The following ALDH18A1 variants were observed in gnomAD, a reference collection of about 807,000 sequenced individuals.
ALDH18A1 encodes delta-1-pyrroline-5-carboxylate synthase.
In ALDH18A1, 44 loss-of-function variants were observed where a neutral mutation model predicts 88.8. The observed-to-expected ratio is 0.50, with a 90% CI of 0.39 to 0.64. The LOEUF is 0.64. ALDH18A1 is among the 30% of genes least tolerant of loss of function. The pLI, the probability that ALDH18A1 is intolerant of heterozygous loss-of-function variation, is 0.00. For missense variants in ALDH18A1, 782 were observed against 1,009.5 expected (o/e 0.77, Z 3.05); for synonymous variants, 331 against 372.1 (o/e 0.89, Z 1.27).
Position 95,621,129 on chromosome 10 carries a change from G to T in ALDH18A1, c.1369C>A (p.Arg457Ser). Reference sequence around the variant, plus strand: ...TCCAAGTTTTTGGCGATTCGGGTGCGGCGCAAAACACGTCCCACGCTGTCC... The same window carrying T: ...TCCAAGTTTTTGGCGATTCGGGTGCTGCGCAAAACACGTCCCACGCTGTCC... ...SQDSVGRVLR[R>S]TRIAKNLELE... The change falls in exon 12 of 18, where the codon CGC (arginine) becomes AGC (serine). Residue 457 changes from arginine to serine, a missense_variant. Arg to Ser is a moderately radical substitution (Grantham distance 110, BLOSUM62 -1). Transcript: ENST00000371224. 1 of 1,613,968 alleles carries T rather than the reference G, an allele frequency of 6.2e-7. No homozygotes were observed. Among genetic ancestry groups the T allele is most frequent in the Non-Finnish European group, 8.5e-7 (1 of 1,180,012 alleles).
At position 95,610,283 on chromosome 10, in the gene ALDH18A1, G is replaced by A. The variant is rs757102092; in HGVS notation, c.2120C>T (p.Ala707Val). The A allele has an allele frequency of 6.2e-6, 10 of 1,613,832 alleles. No homozygotes were observed. The highest frequency in any genetic ancestry group is 5.3e-5 in the African/African-American group (4 of 74,928). The change falls in exon 17 of 18, where the codon GCG (alanine) becomes GTG (valine). Residue 707 changes from alanine to valine, a missense_variant. Transcript: ENST00000371224. ...GTCTACGTGCTGCAGGAAGAACTCC[G>A]CTGTGTTTTCTGCAGGGTGAAGAAG... ...DVIVTEDENT[A>V]EFFLQHVDSA...
At chr10:95,650,305 GA>G (rs1283561111) in intron 2 of ALDH18A1, among the ~76,000 whole-genome samples, 2 of 152,172 alleles carry the variant, frequency 1.3e-5, no homozygotes, top group Non-Finnish European at 2.9e-5. Context: ...ATGAGACTGG[GA>G]GAAAACATTT....
At position 95,606,258 on chromosome 10, in the gene ALDH18A1, T is replaced by A; in HGVS notation, c.*504A>T. 1.0e-6 allele frequency: 1 copy of A among 998,192 alleles called. No homozygotes were observed. The highest frequency in any genetic ancestry group is 1.2e-6 in the Non-Finnish European group (1 of 836,982). The allele number at this position is 998,192 out of a possible 1,614,324, so 61.8% of individuals were successfully genotyped here. A position where few individuals can be genotyped will look rare whatever the true frequency, so the allele number is the denominator to read the frequency against. On this transcript the variant is annotated 3_prime_UTR_variant, in exon 18 of 18. Coordinates refer to ENST00000371224, the MANE Select transcript of ALDH18A1 (RefSeq NM_002860.4). The stretch of plus-strand genomic sequence containing the variant: ...GGTCAATCTTCCCAGTGGAAATGAT[T>A]CCATCGATTTTTGTGACTTTCTGAT...
chr10:95,619,973 A>G (rs1470918122), intron 12 of ALDH18A1, among the ~76,000 whole-genome samples: 1 of 152,252 alleles, frequency 6.6e-6, no homozygotes, highest in Non-Finnish European at 1.5e-5. Context: ...CTGCATGGCA[A>G]AAGAAACTAC....
intron 9 of ALDH18A1, among the ~76,000 whole-genome samples, 153 bp downstream of exon 9, chr10:95,627,289 T>C (rs1035923571): frequency 6.6e-6 from 1 of 152,156 alleles, no homozygotes; most frequent in Non-Finnish European, 1.5e-5. Flanking sequence ...TAGATAGAAT[T>C]TCACAAAAGC....
chr10:95,651,304 G>A (rs1051423449), intron 2 of ALDH18A1, among the ~76,000 whole-genome samples: 1 of 152,128 alleles, frequency 6.6e-6, no homozygotes, highest in Non-Finnish European at 1.5e-5. Context: ...AAATAAAAAA[G>A]AGTGACCACA....
In ALDH18A1 at chr10:95,653,275, T is replaced by C; in HGVS notation, c.88+15A>G. On this transcript the variant is annotated intron_variant, in intron 2 of 17. Transcript: ENST00000371224. ...CAAACGTCCCACATACTCATAAGTT[T>C]TCTATGGTACATACGAGATCTGAAG... 1 of 1,599,524 alleles carries C rather than the reference T, an allele frequency of 6.3e-7. No homozygotes were observed. The highest frequency in any genetic ancestry group is 8.6e-7 in the Non-Finnish European group (1 of 1,167,998).
At chr10:95,636,602 T>C (rs996799961) in intron 5 of ALDH18A1, among the ~76,000 whole-genome samples, 1 of 152,220 alleles carries the variant, frequency 6.6e-6, no homozygotes, top group Admixed American at 6.5e-5. Flanking sequence ...TCAATAAATA[T>C]TTGCTGAATG....
Position 95,613,767 on chromosome 10 carries a change from A to T in ALDH18A1, c.1898T>A (p.Ile633Asn), listed in dbSNP as rs773391016. Reference protein sequence around the residue: ...DLLRTPLFDQIIDMLRVEQVK... With the variant: ...DLLRTPLFDQNIDMLRVEQVK... ...CTGTTCCACTCTCAGCATATCAATG[A>T]TCTGGTCAAATAATGGTGTCCTGAG... The change falls in exon 15 of 18, where the codon ATC becomes AAC. Residue 633 changes from isoleucine to asparagine, a missense_variant. Physicochemically the swap from Ile to Asn is moderately radical, Grantham distance 149. Coordinates refer to ENST00000371224, the MANE Select transcript of ALDH18A1 (RefSeq NM_002860.4). 4 of 1,614,180 alleles carry T rather than the reference A, an allele frequency of 2.5e-6. No homozygotes were observed. In the South Asian group the frequency reaches 4.4e-5, roughly 18 times the overall value.
intron 12 of ALDH18A1, among the ~76,000 whole-genome samples, chr10:95,618,650 T>C (rs1039377254): frequency 5.9e-5 from 9 of 152,150 alleles, no homozygotes; most frequent in Non-Finnish European, 1.3e-4. Context: ...CTACTGAAAG[T>C]TCTTTTTCCT....
At chr10:95,622,769 C>T (rs1475966112) in intron 11 of ALDH18A1, among the ~76,000 whole-genome samples, 1 of 151,708 alleles carries the variant, frequency 6.6e-6, no homozygotes, top group Non-Finnish European at 1.5e-5. Context: ...CATCTCCTGA[C>T]CTTGTGATCT....
chr10:95,606,532 C>A lies in ALDH18A1; in HGVS notation c.*230G>T, dbSNP rs2097822980. On this transcript the variant is annotated 3_prime_UTR_variant, in exon 18 of 18. Transcript: ENST00000371224. ...AAGATAATTGGACTTGGCAAAGTCC[C>A]TATCGGTAGCAACTATTTTCTTACT... The A allele has an allele frequency of 7.2e-7, 1 of 1,394,508 alleles. No individual in the cohort carries two copies. The allele number at this position is 1,394,508 out of a possible 1,614,324, so 86.4% of individuals were successfully genotyped here.
chr10:95,643,264 T>C, intron 2 of ALDH18A1, 58 bp from the exon 3 acceptor site: 2 of 1,545,620 alleles, frequency 1.3e-6, no homozygotes, highest in South Asian at 2.3e-5. Context: ...AGTTTTTCAA[T>C]AAAAATATAC....
chr10:95,626,910 C>G, intron 9 of ALDH18A1, 134 bp from the exon 10 acceptor site: 1 of 874,996 alleles, frequency 1.1e-6, no homozygotes, highest in Non-Finnish European at 1.9e-6. Flanking sequence ...TCTTGGTATG[C>G]TTGTTTCACA....
At chr10:95,653,169 CA>C in intron 2 of ALDH18A1, 120 bp downstream of exon 2, 1 of 978,988 alleles carries the variant, frequency 1.0e-6, no homozygotes. Context: ...GCCTGTGTGA[CA>C]AAATGAGACC....
chr10:95,633,918 G>C (rs1214180132), intron 5 of ALDH18A1, among the ~76,000 whole-genome samples: 1 of 145,944 alleles, frequency 6.9e-6, no homozygotes, highest in African/African-American at 2.6e-5. Flanking sequence ...CTGGGTTCAA[G>C]CAGTTCTCAT....
intron 13 of ALDH18A1, among the ~76,000 whole-genome samples, chr10:95,615,660 G>A (rs1334274612): frequency 6.6e-6 from 1 of 152,112 alleles, no homozygotes. Flanking sequence ...CCACTATGTG[G>A]GCATAAGAAA....
Position 95,637,275 on chromosome 10 carries a change from A to C in ALDH18A1, c.453+12T>G, listed in dbSNP as rs2097882552. On this transcript the variant is annotated intron_variant, in intron 4 of 17. Coordinates refer to ENST00000371224, the MANE Select transcript of ALDH18A1 (RefSeq NM_002860.4). ...GAAGATCCATTTCAATGTGTGGGGAAGCAGCACTCACCATTTCTTTCAGCT... is the reference window on the plus strand; with the variant it reads ...GAAGATCCATTTCAATGTGTGGGGACGCAGCACTCACCATTTCTTTCAGCT... The C allele has an allele frequency of 6.2e-7, 1 of 1,614,096 alleles. No homozygotes were observed. Among genetic ancestry groups the C allele is most frequent in the Non-Finnish European group, 8.5e-7 (1 of 1,180,046 alleles).
intron 1 of ALDH18A1, among the ~76,000 whole-genome samples, chr10:95,654,531 T>C (rs955924739): frequency 6.6e-6 from 1 of 152,018 alleles, no homozygotes; most frequent in African/African-American, 2.4e-5. Flanking sequence ...GTTCCATGGA[T>C]TGGTGGATAT....
Sources: gnomAD v4.1 joint callset for allele counts (sites outside exome capture counted in the v4.1 genomes callset) on GRCh38, gnomAD v4.1.1 for gene constraint, MANE v1.5 for transcripts, NCBI Gene and HGNC (gene_info 2026-07-23, HGNC 2026-07-21) for gene names.